The following BMPR1B variants were observed in gnomAD, a reference collection of about 807,000 sequenced individuals.
BMPR1B encodes bone morphogenetic protein receptor type 1B.
BMPR1B carries 12 observed loss-of-function variants against 59.1 expected under a neutral mutation model. That is an observed-to-expected ratio of 0.20 (90% CI 0.13 to 0.33). BMPR1B has a LOEUF of 0.33. BMPR1B is among the 10% of genes least tolerant of loss of function. The pLI is 1.00. For missense variants in BMPR1B, 550 were observed against 610.9 expected, an observed-to-expected ratio of 0.90 and a Z score of 1.05; for synonymous variants, 237 against 207.3, an observed-to-expected ratio of 1.14 and a Z score of -1.23.
chr4:94,961,061 C>T (rs560086663), intron 2 of BMPR1B, among the ~76,000 whole-genome samples: 9 of 152,176 alleles, frequency 5.9e-5, no homozygotes, highest in Admixed American at 2.6e-4. Context: ...ACAGACCTGT[C>T]TGTTATCTGT....
chr4:95,070,023 C>T lies in BMPR1B; in HGVS notation c.-17-34385C>T, dbSNP rs565924004. Among the ~76,000 whole-genome samples the T allele has an allele frequency of 3.3e-4, 51 of 152,268 alleles. No homozygotes were observed. In the Middle Eastern group the frequency reaches 0.031, roughly 91 times the overall value. On this transcript the variant is annotated intron_variant, in intron 3 of 12. Transcript: ENST00000515059. ...CTGAAGCAGGAGAATCGCTTGAACCCGGGAAGCAGAGGTTGCCATGAGCCA... is the reference window on the plus strand; with the variant it reads ...CTGAAGCAGGAGAATCGCTTGAACCTGGGAAGCAGAGGTTGCCATGAGCCA...
Position 94,870,862 on chromosome 4 carries a change from G to A in BMPR1B, c.-182-4969G>A, listed in dbSNP as rs551712188. On this transcript the variant is annotated intron_variant, in intron 1 of 12. Coordinates refer to ENST00000515059, the MANE Select transcript of BMPR1B (RefSeq NM_001203.3). Reference sequence around the variant, plus strand: ...GTTTCCCACATTAACGTTGGAAGGTGTCTTTTGGTAGGCTCTTAAACAATT... The same window carrying A: ...GTTTCCCACATTAACGTTGGAAGGTATCTTTTGGTAGGCTCTTAAACAATT... 2.0e-5 allele frequency among the ~76,000 whole-genome samples: 3 copies of A among 152,256 alleles called. No homozygotes were observed. In the South Asian group the frequency reaches 6.2e-4, roughly 32 times the overall value.
At chr4:94,930,159 G>GTT (rs1254861747) in intron 2 of BMPR1B, among the ~76,000 whole-genome samples, 1 of 152,020 alleles carries the variant, frequency 6.6e-6, no homozygotes, top group African/African-American at 2.4e-5. Context: ...CTTCTAGTCT[G>GTT]TTTTATATAC....
chr4:95,091,355 G>A, intron 3 of BMPR1B: 1 of 549,052 alleles, frequency 1.8e-6, no homozygotes. Context: ...CATATGCCAT[G>A]GGTCCTGAAC....
chr4:94,854,573 A>G (rs977255142), intron 1 of BMPR1B, among the ~76,000 whole-genome samples: 9 of 152,174 alleles, frequency 5.9e-5, no homozygotes, highest in Admixed American at 3.3e-4. Context: ...TCTTTGATAA[A>G]TACTATGCAT....
At chr4:95,060,348 C>A (rs530729633) in intron 3 of BMPR1B, among the ~76,000 whole-genome samples, 86 of 152,312 alleles carry the variant, frequency 5.6e-4, no homozygotes, top group African/African-American at 1.9e-3. Flanking sequence ...AAGGGATTTT[C>A]AGACTTTGTT....
chr4:95,036,251 A>G (rs902454830), intron 3 of BMPR1B, among the ~76,000 whole-genome samples: 6 of 152,120 alleles, frequency 3.9e-5, no homozygotes, highest in African/African-American at 1.4e-4. Flanking sequence ...TTATTTTAAA[A>G]TGTATAATTA....
chr4:94,776,413 C>A (rs542981483), intron 1 of BMPR1B, among the ~76,000 whole-genome samples: 1 of 152,152 alleles, frequency 6.6e-6, no homozygotes, highest in Non-Finnish European at 1.5e-5. Flanking sequence ...TCCTCCCTGG[C>A]TTTTTTCTTT....
intron 3 of BMPR1B, among the ~76,000 whole-genome samples, chr4:95,102,044 G>A (rs1730863949): frequency 1.3e-5 from 2 of 152,092 alleles, no homozygotes; most frequent in South Asian, 4.1e-4. Context: ...TTCTGCATCA[G>A]CATTTTAATG....
In BMPR1B at chr4:95,084,289, A is replaced by G. The variant is rs568570157; in HGVS notation, c.-17-20119A>G. On this transcript the variant is annotated intron_variant, in intron 3 of 12. Coordinates refer to ENST00000515059, the MANE Select transcript of BMPR1B (RefSeq NM_001203.3). The stretch of plus-strand genomic sequence containing the variant: ...AGTACTCTGTGTATGTACATGATCT[A>G]TACATATCTTTATAAATTTATATTT... Among the ~76,000 whole-genome samples, 11 of 151,640 alleles carry G rather than the reference A, an allele frequency of 7.3e-5. No individual in the cohort carries two copies. In the South Asian group the frequency reaches 2.1e-3, roughly 29 times the overall value.
chr4:95,106,551 A>G (rs565992610), intron 4 of BMPR1B, among the ~76,000 whole-genome samples: 4 of 152,186 alleles, frequency 2.6e-5, no homozygotes, highest in East Asian at 3.9e-4. Flanking sequence ...GAGAGGCTTT[A>G]TAAGTTTCCA....
intron 2 of BMPR1B, among the ~76,000 whole-genome samples, chr4:94,975,863 T>C (rs1275109564): frequency 2.0e-5 from 3 of 152,238 alleles, no homozygotes; most frequent in Non-Finnish European, 4.4e-5. Flanking sequence ...TTCCCACATA[T>C]AATCAAAATG....
intron 2 of BMPR1B, among the ~76,000 whole-genome samples, chr4:94,915,308 A>C (rs1463492341): frequency 6.6e-6 from 1 of 152,224 alleles, no homozygotes; most frequent in African/African-American, 2.4e-5. Flanking sequence ...CCTGGAAAGA[A>C]CATGAGTTAT....
rs145671398 is a variant in BMPR1B at position 95,020,413 on chromosome 4, A to G, written c.-18+24279A>G. Among the ~76,000 whole-genome samples the G allele has an allele frequency of 1.8e-3, 271 of 152,254 alleles. 4 individuals carry two copies. The East Asian group carries it at 0.031, about 18-fold the overall frequency. ...GCCAACATGGTGAAAGCCGGTCTCT[A>G]CTAAAAATACAAAAAATTAGCTGGG... is the stretch of plus-strand genomic sequence containing the variant. On this transcript the variant is annotated intron_variant, in intron 3 of 12. Coordinates refer to ENST00000515059, the MANE Select transcript of BMPR1B (RefSeq NM_001203.3).
rs549486883 is a variant in BMPR1B at position 94,987,363 on chromosome 4, G to C, written c.-112-8677G>C. ...TATCATGGAGCTGTAAAATAGACCA[G>C]TGTTTTTGTTTTTTTAATGAATTTT... On this transcript the variant is annotated intron_variant, in intron 2 of 12. Coordinates refer to ENST00000515059, the MANE Select transcript of BMPR1B (RefSeq NM_001203.3). Among the ~76,000 whole-genome samples the C allele has an allele frequency of 2.1e-3, 312 of 150,970 alleles. 1 individual carries two copies. The highest frequency in any genetic ancestry group is 7.2e-3 in the African/African-American group (296 of 41,116).
chr4:95,004,608 A>T (rs1231749113), intron 3 of BMPR1B, among the ~76,000 whole-genome samples: 1 of 152,126 alleles, frequency 6.6e-6, no homozygotes, highest in Non-Finnish European at 1.5e-5. Flanking sequence ...TCAGGTGAAT[A>T]TTTGCTTTTT....
intron 2 of BMPR1B, among the ~76,000 whole-genome samples, chr4:94,993,582 A>G (rs1200458022): frequency 6.6e-6 from 1 of 151,972 alleles, no homozygotes; most frequent in East Asian, 1.9e-4. Context: ...CAACATGGCA[A>G]AACACCCATC....
chr4:94,999,934 G>A (rs111405058), intron 3 of BMPR1B, among the ~76,000 whole-genome samples: 1,765 of 152,128 alleles, frequency 0.012, 43 homozygotes, highest in African/African-American at 0.04. Flanking sequence ...GGAAGTTGAC[G>A]TTTAAAAAAA....
At chr4:94,831,166 T>A (rs150611556) in intron 1 of BMPR1B, among the ~76,000 whole-genome samples, 327 of 149,862 alleles carry the variant, frequency 2.2e-3, no homozygotes, top group African/African-American at 7.8e-3. Flanking sequence ...ACATTGGTGA[T>A]CCTGACCCTG....
Sources: allele counts gnomAD v4.1 joint callset (sites outside exome capture counted in the v4.1 genomes callset), GRCh38; gene constraint gnomAD v4.1.1; transcripts MANE v1.5; gene names NCBI Gene and HGNC (gene_info 2026-07-23, HGNC 2026-07-21).